FRMD4A: variants seen among roughly 807,000 people sequenced by gnomAD.
FRMD4A encodes FERM domain containing 4A, also known as FERM domain-containing protein 4A.
Under a neutral mutation model 129.1 loss-of-function variants are expected in FRMD4A, and 29 were observed. That is an observed-to-expected ratio of 0.22 (90% CI 0.17 to 0.31). The LOEUF (loss-of-function observed/expected upper bound fraction) is 0.31, where lower values mean the gene tolerates loss of function less well. FRMD4A is among the 10% of genes least tolerant of loss of function. The pLI, the probability that FRMD4A is intolerant of heterozygous loss-of-function variation, is 1.00. For synonymous variants in FRMD4A, 634 were observed against 571.6 expected, an observed-to-expected ratio of 1.11 and a Z score of -1.56; for missense variants, 1,272 against 1,375.8, an observed-to-expected ratio of 0.92 and a Z score of 1.19.
chr10:14,281,197 G>C (rs1845509023), intron 2 of FRMD4A, among the ~76,000 whole-genome samples: 1 of 151,908 alleles, frequency 6.6e-6, no homozygotes, highest in African/African-American at 2.4e-5. Context: ...TCTCCGTGTT[G>C]GTCAGCCTGG....
intron 5 of FRMD4A, among the ~76,000 whole-genome samples, chr10:13,794,767 T>C (rs2093077912): frequency 6.6e-6 from 1 of 152,224 alleles, no homozygotes; most frequent in South Asian, 2.1e-4. Context: ...CGACCATCAA[T>C]GGTGATGGTG....
intron 3 of FRMD4A, among the ~76,000 whole-genome samples, chr10:13,828,194 G>C (rs1448771328): frequency 6.6e-6 from 1 of 152,088 alleles, no homozygotes; most frequent in African/African-American, 2.4e-5. Flanking sequence ...CATTGAAGTG[G>C]TACAAGTGCA....
At chr10:13,776,532 G>C (rs1365450944) in intron 6 of FRMD4A, among the ~76,000 whole-genome samples, 3 of 152,202 alleles carry the variant, frequency 2.0e-5, no homozygotes, top group Admixed American at 6.5e-5. Flanking sequence ...TAAAACTGTT[G>C]CAAGTGGCAG....
At position 13,890,943 on chromosome 10, in the gene FRMD4A, G is replaced by T. The variant is rs551547979; in HGVS notation, c.46-32031C>A. On this transcript the variant is annotated intron_variant, in intron 2 of 24. Transcript: ENST00000357447. ...CTGCTAACAGGGTACTGGAGAAAAA[G>T]GCACCAAGTCGCTCGTTACGCACAG... is the stretch of plus-strand genomic sequence containing the variant. The T allele has an allele frequency of 1.9e-5, 15 of 796,440 alleles. 1 individual carries two copies. In the South Asian group the frequency reaches 6.8e-4, roughly 36 times the overall value. The allele number at this position is 796,440 out of a possible 1,614,324, so 49.3% of individuals were successfully genotyped here. A position where few individuals can be genotyped will look rare whatever the true frequency, so the allele number is the denominator to read the frequency against.
intron 2 of FRMD4A, among the ~76,000 whole-genome samples, chr10:14,138,631 G>A (rs950035110): frequency 3.6e-4 from 54 of 152,060 alleles, no homozygotes; most frequent in Admixed American, 2.8e-3. Flanking sequence ...GTGGTGGTGC[G>A]CGCCTGTAAT....
intron 3 of FRMD4A, among the ~76,000 whole-genome samples, chr10:13,836,196 C>T (rs1234523964): frequency 6.6e-6 from 1 of 152,168 alleles, no homozygotes; most frequent in Non-Finnish European, 1.5e-5. Flanking sequence ...CGGGGTTTTG[C>T]CATGTTGGCC....
At chr10:13,962,543 T>C (rs1245800525) in intron 2 of FRMD4A, among the ~76,000 whole-genome samples, 1 of 152,170 alleles carries the variant, frequency 6.6e-6, no homozygotes, top group Non-Finnish European at 1.5e-5. Context: ...TATGCATTTT[T>C]TCAAGGGAAT....
chr10:13,925,740 C>A (rs746733046), intron 2 of FRMD4A, among the ~76,000 whole-genome samples: 2 of 151,368 alleles, frequency 1.3e-5, no homozygotes, highest in African/African-American at 4.9e-5. Context: ...CGCACCACCA[C>A]GCCTGAATAA....
chr10:14,268,862 G>C (rs936692219), intron 2 of FRMD4A, among the ~76,000 whole-genome samples: 2 of 151,332 alleles, frequency 1.3e-5, no homozygotes, highest in South Asian at 4.2e-4. Context: ...TACGTATTTT[G>C]TGCTTCTAAA....
chr10:14,265,998 C>G (rs1001478538), intron 2 of FRMD4A, among the ~76,000 whole-genome samples: 2 of 152,072 alleles, frequency 1.3e-5, no homozygotes, highest in Non-Finnish European at 2.9e-5. Context: ...GTCAATTGGG[C>G]CAAAATCTGC....
chr10:14,115,236 C>G (rs141316374), intron 2 of FRMD4A, among the ~76,000 whole-genome samples: 2 of 152,352 alleles, frequency 1.3e-5, no homozygotes, highest in African/African-American at 4.8e-5. Flanking sequence ...CAATAGACAC[C>G]TGTGCTGATG....
intron 6 of FRMD4A, among the ~76,000 whole-genome samples, chr10:13,770,548 A>T (rs568264808): frequency 2.0e-5 from 3 of 152,114 alleles, no homozygotes; most frequent in Non-Finnish European, 2.9e-5. Context: ...AGCTCAAGTG[A>T]TCCTCCTGCC....
intron 22 of FRMD4A, among the ~76,000 whole-genome samples, chr10:13,656,241 A>AAGCTAC (rs2082131390): frequency 6.6e-6 from 1 of 152,160 alleles, no homozygotes; most frequent in South Asian, 2.1e-4. Context: ...CTTCCTTTGC[A>AAGCTAC]AGCTACAGCT....
intron 6 of FRMD4A, among the ~76,000 whole-genome samples, chr10:13,778,601 G>GTT (rs1270594900): frequency 1.4e-5 from 2 of 141,562 alleles, no homozygotes; most frequent in Non-Finnish European, 3.0e-5. Context: ...ATTCCAACGT[G>GTT]TGTGTGTGTG....
At chr10:13,926,873 C>T (rs2095139534) in intron 2 of FRMD4A, among the ~76,000 whole-genome samples, 1 of 152,206 alleles carries the variant, frequency 6.6e-6, no homozygotes. Context: ...TTTATTCCTA[C>T]AGATTGGATT....
At chr10:14,258,262 G>A (rs1358678706) in intron 2 of FRMD4A, among the ~76,000 whole-genome samples, 2 of 150,574 alleles carry the variant, frequency 1.3e-5, no homozygotes, top group Non-Finnish European at 3.0e-5. Context: ...ATAATAAAAG[G>A]CAAGTCACAG....
At chr10:13,986,436 G>T (rs556488227) in intron 2 of FRMD4A, among the ~76,000 whole-genome samples, 28 of 141,334 alleles carry the variant, frequency 2.0e-4, no homozygotes, top group Admixed American at 2.0e-3. Flanking sequence ...TCATAGATGG[G>T]AATTGAACAA....
At chr10:13,788,499 C>G (rs1180253804) in intron 5 of FRMD4A, among the ~76,000 whole-genome samples, 1 of 152,230 alleles carries the variant, frequency 6.6e-6, no homozygotes, top group Non-Finnish European at 1.5e-5. Flanking sequence ...GAGTGACAAT[C>G]TTTTCAATGT....
intron 3 of FRMD4A, among the ~76,000 whole-genome samples, chr10:13,814,883 G>C (rs2093516394): frequency 6.6e-6 from 1 of 152,092 alleles, no homozygotes; most frequent in Non-Finnish European, 1.5e-5. Context: ...AGGTGCAGTT[G>C]GGGAAGGGAG....
Sources: gnomAD v4.1 joint callset for allele counts (sites outside exome capture counted in the v4.1 genomes callset) on GRCh38, gnomAD v4.1.1 for gene constraint, MANE v1.5 for transcripts, NCBI Gene and HGNC (gene_info 2026-07-23, HGNC 2026-07-21) for gene names.